The following TMEM175 variants were observed in gnomAD, a reference collection of about 807,000 sequenced individuals.
The protein encoded by TMEM175 is transmembrane protein 175.
TMEM175 carries 36 observed loss-of-function variants against 36.5 expected under a neutral mutation model. The ratio of observed to expected loss-of-function variants is 0.99; its 90% confidence interval spans 0.76 to 1.30. The LOEUF is 1.30. Among genes scored for constraint, TMEM175 ranks in the 50% most tolerant of loss-of-function variants. The pLI is 0.00. For synonymous variants in TMEM175, 339 were observed against 313.4 expected, an observed-to-expected ratio of 1.08 and a Z score of -0.86; for missense variants, 705 against 692.8, an observed-to-expected ratio of 1.02 and a Z score of -0.20.
intron 3 of TMEM175, 24 bp downstream of exon 3, chr4:948,178 C>T (rs768792338): frequency 2.0e-5 from 33 of 1,613,974 alleles, no homozygotes; most frequent in East Asian, 1.6e-4. Context: ...CTGTGCTCTG[C>T]GTGGTGTGGC....
chr4:955,607 C>G, intron 9 of TMEM175, 124 bp downstream of exon 9: 2 of 1,434,240 alleles, frequency 1.4e-6, no homozygotes, highest in Non-Finnish European at 1.9e-6. Flanking sequence ...TGGGGCTCCC[C>G]CACTCCGCCC....
At position 947,978 on chromosome 4, in the gene TMEM175, G is replaced by T. The variant is rs563589207; in HGVS notation, c.153+86G>T. 1.2e-5 allele frequency: 19 copies of T among 1,611,180 alleles called. No individual in the cohort carries two copies. The East Asian group carries it at 4.2e-4, about 36-fold the overall frequency. ...CCCACCTCAGACCTGTCTAGGTCTT[G>T]CCAGCATCCTTGGGTCCCCCAGCTC... On this transcript the variant is annotated intron_variant, in intron 2 of 10. Transcript: ENST00000264771.
At chr4:937,576 A>T (rs1044485889) in intron 1 of TMEM175, among the ~76,000 whole-genome samples, 2 of 152,116 alleles carry the variant, frequency 1.3e-5, no homozygotes, top group South Asian at 2.1e-4. Flanking sequence ...AAAAAAGAAG[A>T]CTCCAAACTT....
chr4:944,422 G>T (rs1374133138), intron 1 of TMEM175, among the ~76,000 whole-genome samples: 1 of 152,196 alleles, frequency 6.6e-6, no homozygotes, highest in Non-Finnish European at 1.5e-5. Flanking sequence ...TTGCTGGATT[G>T]TGGCTAGCTG....
At chr4:950,312 T>C (rs2153001914) in intron 3 of TMEM175, 109 bp from the exon 4 acceptor site, 1 of 875,664 alleles carries the variant, frequency 1.1e-6, no homozygotes, top group Non-Finnish European at 1.9e-6. Flanking sequence ...ACCCGAGGGT[T>C]TCGCCCTGCC....
intron 10 of TMEM175, chr4:956,603 C>T: frequency 4.9e-6 from 3 of 611,966 alleles, no homozygotes. Flanking sequence ...CCACCATGCC[C>T]AGCTAACTTT....
intron 10 of TMEM175, chr4:956,445 T>TA (rs1261193907): frequency 2.7e-6 from 2 of 752,544 alleles, no homozygotes; most frequent in African/African-American, 3.9e-5. Context: ...TTTGTGGGGT[T>TA]TTTTTTTTTT....
intron 7 of TMEM175, 48 bp from the exon 8 acceptor site, chr4:953,141 GC>G: frequency 6.5e-7 from 1 of 1,539,620 alleles, no homozygotes; most frequent in Non-Finnish European, 8.8e-7. Flanking sequence ...TGCTGTGGGG[GC>G]CCCCTCTGCT....
Position 932,674 on chromosome 4 carries a change from A to G in TMEM175, c.-32+134A>G, listed in dbSNP as rs1210609086. On this transcript the variant is annotated intron_variant, in intron 1 of 10. Coordinates refer to ENST00000264771, the MANE Select transcript of TMEM175 (RefSeq NM_032326.4). The surrounding 1 kb of genome is among the most constrained non-coding windows in gnomAD (Gnocchi z 4.0). The stretch of plus-strand genomic sequence containing the variant: ...TGGAGTCAGCCTCCCGTTTGCTGTT[A>G]GCGCCGCGTTTGCGAATGGGTTCGC... The G allele has an allele frequency of 6.6e-6, 2 of 301,360 alleles. No individual in the cohort carries two copies. Among genetic ancestry groups the G allele is most frequent in the Non-Finnish European group, 1.2e-5 (2 of 164,086 alleles). The allele number at this position is 301,360 out of a possible 1,614,324, so 18.7% of individuals were successfully genotyped here.
At chr4:941,013 T>TAATAATAAC (rs1255251230) in intron 1 of TMEM175, among the ~76,000 whole-genome samples, 1 of 86,644 alleles carries the variant, frequency 1.2e-5, no homozygotes. Context: ...CTCAAAATAA[T>TAATAATAAC]AATAATAATA....
chr4:951,199 T>C lies in TMEM175; in HGVS notation c.291-8T>C. On this transcript the variant is annotated splice_region_variant and splice_polypyrimidine_tract_variant and intron_variant, in intron 4 of 10. Coordinates refer to ENST00000264771, the MANE Select transcript of TMEM175 (RefSeq NM_032326.4). ...TTTTATTGTCTATCTTTTTCTTAAA[T>C]GGTTTAGGTTGTTCCAAGTTGTTGG... The C allele has an allele frequency of 2.5e-6, 4 of 1,614,008 alleles. No homozygotes were observed. The highest frequency in any genetic ancestry group is 3.4e-6 in the Non-Finnish European group (4 of 1,179,924).
chr4:958,414 G>A lies in TMEM175; in HGVS notation c.1433G>A (p.Gly478Asp). The part of the protein sequence containing the change: ...LALATLRVLR[G>D]LARPEHPPPA... The stretch of plus-strand genomic sequence containing the variant: ...CTGGCCACCCTGCGGGTCCTGCGGG[G>A]CCTCGCCCGGCCCGAACACCCCCCG... Residue 478 changes from glycine (G) to aspartate (D), a missense_variant, in exon 11 of 11, where the codon GGC (glycine) becomes GAC (aspartate). Physicochemically the swap from Gly to Asp is moderately conservative, Grantham distance 94. Transcript: ENST00000264771. 1.3e-6 allele frequency: 2 copies of A among 1,597,686 alleles called. No homozygotes were observed. Among genetic ancestry groups the A allele is most frequent in the Non-Finnish European group, 1.7e-6 (2 of 1,178,088 alleles).
Position 951,460 on chromosome 4 carries a change from G to C in TMEM175, c.342+202G>C, listed in dbSNP as rs114042944. Among the ~76,000 whole-genome samples the C allele has an allele frequency of 3.6e-3, 542 of 152,340 alleles. 4 individuals carry two copies. Among genetic ancestry groups the C allele is most frequent in the African/African-American group, 0.012 (513 of 41,574 alleles). On this transcript the variant is annotated intron_variant, in intron 5 of 10. Transcript: ENST00000264771. Reference sequence around the variant, plus strand: ...CTATATCTCCTCCCAGACACAGCCAGGGTGTGGGGGACCAGGGGCACTGGG... The same window carrying C: ...CTATATCTCCTCCCAGACACAGCCACGGTGTGGGGGACCAGGGGCACTGGG...
intron 8 of TMEM175, 125 bp downstream of exon 8, chr4:953,479 G>C: frequency 8.1e-7 from 1 of 1,229,712 alleles, no homozygotes; most frequent in Non-Finnish European, 1.1e-6. Context: ...TCCACCCAGG[G>C]TCTTGTGTGT....
chr4:952,787 G>A (rs1729113056), intron 7 of TMEM175, among the ~76,000 whole-genome samples: 1 of 151,500 alleles, frequency 6.6e-6, no homozygotes, highest in African/African-American at 2.4e-5. Context: ...ATGTGTGTGT[G>A]TATATGTGTG....
At chr4:941,446 T>G (rs540009439) in intron 1 of TMEM175, among the ~76,000 whole-genome samples, 1 of 150,316 alleles carries the variant, frequency 6.7e-6, no homozygotes, top group Admixed American at 6.6e-5. Flanking sequence ...TTTCTTTTTT[T>G]TTTTTTTCTT....
At chr4:940,831 C>T (rs1181680849) in intron 1 of TMEM175, among the ~76,000 whole-genome samples, 1 of 151,524 alleles carries the variant, frequency 6.6e-6, no homozygotes, top group Non-Finnish European at 1.5e-5. Flanking sequence ...CATGGTGAAA[C>T]TCCATCTTTA....
Position 958,338 on chromosome 4 carries a change from A to G in TMEM175, c.1357A>G (p.Ile453Val). Residue 453 changes from isoleucine to valine, a missense_variant, in exon 11 of 11, where the codon ATC (isoleucine) becomes GTC (valine). Ile to Val is a conservative substitution (Grantham distance 29, BLOSUM62 3). Coordinates refer to ENST00000264771, the MANE Select transcript of TMEM175 (RefSeq NM_032326.4). ...TGTGGGCATCTTCCACCTCATGCAGATCGCCGTGCCCTGCGCCTTCCTGTT... is the reference window on the plus strand; with the variant it reads ...TGTGGGCATCTTCCACCTCATGCAGGTCGCCGTGCCCTGCGCCTTCCTGTT... ...FSVGIFHLMQIAVPCAFLLLR... is the reference protein window; with the variant it reads ...FSVGIFHLMQVAVPCAFLLLR... 1 of 1,604,648 alleles carries G rather than the reference A, an allele frequency of 6.2e-7. No homozygotes were observed. Among genetic ancestry groups the G allele is most frequent in the Non-Finnish European group, 8.5e-7 (1 of 1,179,804 alleles).
chr4:953,003 G>T (rs1031781559), intron 7 of TMEM175, among the ~76,000 whole-genome samples, 187 bp from the exon 8 acceptor site: 1 of 151,906 alleles, frequency 6.6e-6, no homozygotes, highest in Non-Finnish European at 1.5e-5. Flanking sequence ...CCAGGTACAA[G>T]CCCACCTCTA....
Sources: gnomAD v4.1 joint callset for allele counts (sites outside exome capture counted in the v4.1 genomes callset) on GRCh38, gnomAD v4.1.1 for gene constraint, Gnocchi (gnomAD v3.1) non-coding constraint, MANE v1.5 for transcripts, NCBI Gene and HGNC (gene_info 2026-07-23, HGNC 2026-07-21) for gene names.